The following DOCK6 variants were observed in gnomAD, a reference collection of about 807,000 sequenced individuals.
DOCK6 encodes the protein dedicator of cytokinesis 6.
Under a neutral mutation model 230.3 loss-of-function variants are expected in DOCK6, and 167 were observed. The ratio of observed to expected loss-of-function variants is 0.73; its 90% CI spans 0.64 to 0.82. The LOEUF (loss-of-function observed/expected upper bound fraction) is 0.82, where lower values mean the gene tolerates loss of function less well. Ranked by LOEUF, DOCK6 falls within the 40% of genes least tolerant of loss-of-function variation. DOCK6 has a pLI of 0.00. For missense variants in DOCK6, 2,598 were observed against 2,825.8 expected, an observed-to-expected ratio of 0.92 and a Z score of 1.83; for synonymous variants, 1,148 against 1,185.0, an observed-to-expected ratio of 0.97 and a Z score of 0.64.
At chr19:11,262,145 T>TGCCACA (rs2080300911) in intron 1 of DOCK6, among the ~76,000 whole-genome samples, 1 of 151,798 alleles carries the variant, frequency 6.6e-6, no homozygotes, top group Non-Finnish European at 1.5e-5. Flanking sequence ...CCCCCGCGCG[T>TGCCACA]CACGGAGGCA....
chr19:11,241,594 G>T lies in DOCK6; in HGVS notation c.1643+451C>A, dbSNP rs1308362687. On this transcript the variant is annotated intron_variant, in intron 14 of 47. Transcript: ENST00000294618. The stretch of plus-strand genomic sequence containing the variant: ...GGTTTGGCAGGCAGGGCAGTTGGAT[G>T]GGGGGCGCACAGGGCAGCTGGAAAG... 1.9e-6 allele frequency: 3 copies of T among 1,556,090 alleles called. No individual in the cohort carries two copies. The East Asian group carries it at 7.3e-5, about 38-fold the overall frequency.
intron 5 of DOCK6, 171 bp from the exon 6 acceptor site, chr19:11,251,257 T>G (rs2080114015): frequency 1.5e-6 from 1 of 654,524 alleles, no homozygotes; most frequent in African/African-American, 1.8e-5. Context: ...TTCCAGAAAC[T>G]TCTGTCTGGA....
Position 11,227,361 on chromosome 19 carries a change from C to T in DOCK6, c.2931G>A (p.Leu977=). 1 of 1,613,888 alleles carries T rather than the reference C, an allele frequency of 6.2e-7. No individual in the cohort carries two copies. The highest frequency in any genetic ancestry group is 8.5e-7 in the Non-Finnish European group (1 of 1,179,880). Residue 977 remains leucine (L), a synonymous_variant, in exon 24 of 48, where the codon CTG becomes CTA. Coordinates refer to ENST00000294618, the MANE Select transcript of DOCK6 (RefSeq NM_020812.4). The part of the protein sequence containing the change: ...DITALVGSVG[L]EVITRVHKDV... ...CCTTGTGGACACGGGTGATGACCTC[C>T]AGGCCCACAGAGCCCACCAAGGCAG...
In DOCK6 at chr19:11,200,793, T is replaced by TA. The variant is rs2079156596; in HGVS notation, c.5861dup (p.Leu1954PhefsTer29). 1 of 1,612,974 alleles carries TA rather than the reference T, an allele frequency of 6.2e-7. No homozygotes were observed. Among genetic ancestry groups the TA allele is most frequent in the African/African-American group, 1.3e-5 (1 of 74,876 alleles). On this transcript the variant is annotated frameshift_variant, in exon 46 of 48. Transcript: ENST00000294618. LOFTEE classifies it high-confidence loss of function. The surrounding 1 kb of genome is among the most constrained non-coding windows in gnomAD (Gnocchi z 4.3). ...GCTTGGGGTCTTCCGGGATCTCTGC[T>TA]AAAAACACCTGGGCCACCTCCAGGG...
chr19:11,236,600 C>T lies in DOCK6; in HGVS notation c.2161-23G>A, dbSNP rs1228795958. On this transcript the variant is annotated intron_variant, in intron 19 of 47. Coordinates refer to ENST00000294618, the MANE Select transcript of DOCK6 (RefSeq NM_020812.4). This position sits in a 1 kb window ranked among gnomAD's most constrained non-coding sequence, Gnocchi z 5.2. Reference sequence around the variant, plus strand: ...GTCCTGGGTAGGGATGTGGAGTGAGCAGGGTGGGGCCTCAGGGAATGAAGA... The same window carrying T: ...GTCCTGGGTAGGGATGTGGAGTGAGTAGGGTGGGGCCTCAGGGAATGAAGA... The T allele has an allele frequency of 1.3e-6, 2 of 1,552,198 alleles. No individual in the cohort carries two copies. The highest frequency in any genetic ancestry group is 1.7e-6 in the Non-Finnish European group (2 of 1,145,130).
intron 7 of DOCK6, 75 bp downstream of exon 7, chr19:11,247,991 A>G (rs2080061143): frequency 1.6e-6 from 2 of 1,279,800 alleles, no homozygotes; most frequent in South Asian, 1.3e-5. Context: ...GGCACTACTC[A>G]TGTAGTGTGT....
chr19:11,207,192 CTTTAT>C (rs910975209), intron 39 of DOCK6, among the ~76,000 whole-genome samples: 1 of 151,918 alleles, frequency 6.6e-6, no homozygotes, highest in African/African-American at 2.4e-5. Flanking sequence ...TATCCCAAAT[CTTTAT>C]TTTATTTATT....
In DOCK6 at chr19:11,214,545, A is replaced by G; in HGVS notation, c.4203+8T>C. The G allele has an allele frequency of 6.2e-7, 1 of 1,613,910 alleles. No homozygotes were observed. On this transcript the variant is annotated splice_region_variant and intron_variant, in intron 33 of 47. Coordinates refer to ENST00000294618, the MANE Select transcript of DOCK6 (RefSeq NM_020812.4). ...AGAGCACAAGGCAGATGCTGGATCA[A>G]GCCCTACCTGCACGATGATCTCCAG...
Position 11,200,398 on chromosome 19 carries a change from T to C in DOCK6, c.6011A>G (p.Glu2004Gly), listed in dbSNP as rs748099812. The change falls in exon 47 of 48, where the codon GAG becomes GGG. Residue 2004 changes from glutamate (E) to glycine (G), a missense_variant. Physicochemically the swap from Glu to Gly is moderately conservative, Grantham distance 98 (BLOSUM62 -2). Transcript: ENST00000294618. The surrounding 1 kb of genome is among the most constrained non-coding windows in gnomAD (Gnocchi z 4.3). ...PDQKEYHREL[E>G]RNYCRLREAL... ...CTCCCGCAGGCGGCAGTAGTTGCGC[T>C]CCAGCTCACGGTGGTACTCCTTCTG... 6.2e-6 allele frequency: 10 copies of C among 1,608,294 alleles called. No homozygotes were observed. In the East Asian group the frequency reaches 2.2e-4, roughly 36 times the overall value.
At chr19:11,227,262 G>T in intron 24 of DOCK6, 75 bp downstream of exon 24, 1 of 1,575,062 alleles carries the variant, frequency 6.3e-7, no homozygotes, top group Non-Finnish European at 8.7e-7. Context: ...CACTGGGCAG[G>T]ATTGGCGCCC....
chr19:11,247,867 T>C (rs2080059286), intron 7 of DOCK6, 199 bp downstream of exon 7: 1 of 576,370 alleles, frequency 1.7e-6, no homozygotes, highest in African/African-American at 1.9e-5. Flanking sequence ...GATCCTGGCA[T>C]ACAATTGGCA....
rs909037766 is a variant in DOCK6, at chr19:11,221,505, T to C, written c.3550+346A>G. On this transcript the variant is annotated intron_variant, in intron 28 of 47. Coordinates refer to ENST00000294618, the MANE Select transcript of DOCK6 (RefSeq NM_020812.4). ...AGTGAATGAATGTACTCCAATCATT[T>C]TCTCACTTGGATGTTCCCTACTTTT... is the stretch of plus-strand genomic sequence containing the variant. 7 of 252,458 alleles carry C rather than the reference T, an allele frequency of 2.8e-5. No homozygotes were observed. In the East Asian group the frequency reaches 5.2e-4, roughly 19 times the overall value. 15.6% of individuals were successfully genotyped at this position (252,458 alleles called of 1,614,324 possible).
rs2079163383 is a variant in DOCK6 at position 11,201,171 on chromosome 19, A to C, written c.5689-119T>G. On this transcript the variant is annotated intron_variant, in intron 44 of 47. Transcript: ENST00000294618. The surrounding 1 kb of genome is among the most constrained non-coding windows in gnomAD (Gnocchi z 4.3). ...GAGGGGTCCAAGAACCCAGGCAATG[A>C]ACAGAATCTGGGGGCCTTCCTGGGT... is the stretch of plus-strand genomic sequence containing the variant. The C allele has an allele frequency of 7.6e-7, 1 of 1,309,952 alleles. No homozygotes were observed. Among genetic ancestry groups the C allele is most frequent in the Non-Finnish European group, 1.1e-6 (1 of 950,628 alleles). The allele number at this position is 1,309,952 out of a possible 1,614,324, so 81.1% of individuals were successfully genotyped here.
chr19:11,258,655 ACTC>A (rs1434783507), intron 1 of DOCK6, among the ~76,000 whole-genome samples: 1 of 150,476 alleles, frequency 6.6e-6, no homozygotes, highest in African/African-American at 2.5e-5. Context: ...CTGGCCTCGA[ACTC>A]CTGACCTCAG....
At chr19:11,260,892 A>AAAAAAAAAAAAAAAAAAAAAAAAAAAAG (rs1423289379) in intron 1 of DOCK6, among the ~76,000 whole-genome samples, 2 of 148,596 alleles carry the variant, frequency 1.3e-5, no homozygotes, top group African/African-American at 5.1e-5. Context: ...CAAAAAAAAA[A>AAAAAAAAAAAAAAAAAAAAAAAAAAAAG]AAAGAAAGAA....
intron 22 of DOCK6, chr19:11,232,197 G>A (rs1367478446): frequency 3.9e-6 from 5 of 1,289,006 alleles, no homozygotes; most frequent in Middle Eastern, 2.1e-4. Context: ...GTCTGGGGTC[G>A]GCCCCACAAT....
At chr19:11,255,938 C>T (rs1335321981) in intron 1 of DOCK6, among the ~76,000 whole-genome samples, 1 of 152,158 alleles carries the variant, frequency 6.6e-6, no homozygotes, top group Non-Finnish European at 1.5e-5. Flanking sequence ...AGGCGCCCAC[C>T]ACTACGCCCA....
At chr19:11,242,953 C>A (rs1399231476) in intron 13 of DOCK6, 106 bp downstream of exon 13, 3 of 1,291,322 alleles carry the variant, frequency 2.3e-6, no homozygotes, top group South Asian at 1.2e-5. Context: ...CCATCATGGT[C>A]ATCGTTGGGT....
intron 9 of DOCK6, among the ~76,000 whole-genome samples, chr19:11,245,347 C>T (rs1327737455): frequency 6.6e-6 from 1 of 152,134 alleles, no homozygotes; most frequent in African/African-American, 2.4e-5. Flanking sequence ...CCAGGCTGCC[C>T]ACGTATAGTT....
Sources: gnomAD v4.1 joint callset for allele counts (sites outside exome capture counted in the v4.1 genomes callset) on GRCh38, gnomAD v4.1.1 for gene constraint, Gnocchi (gnomAD v3.1) non-coding constraint, MANE v1.5 for transcripts, NCBI Gene and HGNC (gene_info 2026-07-23, HGNC 2026-07-21) for gene names.